Variants in SHB observed in about 807,000 individuals in gnomAD.
SHB encodes SH2 domain containing adaptor protein B.
Under a neutral mutation model 52.3 loss-of-function variants are expected in SHB, and 20 were observed. That is an observed-to-expected ratio of 0.38 (90% CI 0.27 to 0.56). The LOEUF (loss-of-function observed/expected upper bound fraction) is 0.56. Among genes scored for constraint, SHB ranks in the 20% least tolerant of loss-of-function variants. SHB has a pLI of 0.71. For synonymous variants in SHB, 397 were observed against 316.5 expected (o/e 1.25, Z -2.70); for missense variants, 825 against 723.3 (o/e 1.14, Z -1.61).
In SHB at chr9:38,068,309, C is replaced by A; in HGVS notation, c.337G>T (p.Asp113Tyr). Residue 113 changes from aspartate to tyrosine, a missense_variant, in exon 1 of 6, where the codon GAC (aspartate) becomes TAC (tyrosine). Transcript: ENST00000377707. ...LRKLRAMCRLDYCGGSGEPGG... is the reference protein window; with the variant it reads ...LRKLRAMCRLYYCGGSGEPGG... ...GGCTCCCCGCTGCCGCCGCAGTAGT[C>A]CAGGCGGCACATGGCGCGCAGTTTG... 5 of 1,516,804 alleles carry A rather than the reference C, an allele frequency of 3.3e-6. No homozygotes were observed. In the South Asian group the frequency reaches 6.2e-5, roughly 19 times the overall value. 94.0% of individuals were successfully genotyped at this position (1,516,804 alleles called of 1,614,324 possible).
chr9:37,948,202 T>C (rs1469420285), intron 5 of SHB, among the ~76,000 whole-genome samples: 2 of 152,124 alleles, frequency 1.3e-5, no homozygotes, highest in Non-Finnish European at 2.9e-5. Flanking sequence ...CATGGGCTGG[T>C]CACAAGTCCT....
In SHB at chr9:37,961,390, G is replaced by A. The variant is rs114345589; in HGVS notation, c.1055-5336C>T. Among the ~76,000 whole-genome samples the A allele has an allele frequency of 2.0e-3, 298 of 152,310 alleles. 1 individual carries two copies. Among genetic ancestry groups the A allele is most frequent in the African/African-American group, 6.9e-3 (286 of 41,556 alleles). On this transcript the variant is annotated intron_variant, in intron 3 of 5. Coordinates refer to ENST00000377707, the MANE Select transcript of SHB (RefSeq NM_003028.3). ...TCCACTGTCCTGTCCACTGTTCAGAGCTGGCCAGAGAGTAAACTCCAAAAA... is the reference window on the plus strand; with the variant it reads ...TCCACTGTCCTGTCCACTGTTCAGAACTGGCCAGAGAGTAAACTCCAAAAA...
intron 5 of SHB, among the ~76,000 whole-genome samples, chr9:37,929,031 C>A (rs1442808994): frequency 6.6e-6 from 1 of 152,220 alleles, no homozygotes; most frequent in South Asian, 2.1e-4. Context: ...TTGACCCAGG[C>A]AGGGCTGGAG....
At chr9:38,043,232 C>T (rs1209730947) in intron 1 of SHB, among the ~76,000 whole-genome samples, 1 of 152,222 alleles carries the variant, frequency 6.6e-6, no homozygotes, top group East Asian at 1.9e-4. Flanking sequence ...GCTCTGCCCC[C>T]AGCTTCTCTC....
At position 38,068,577 on chromosome 9, in the gene SHB, C is replaced by T. The variant is rs1210870974; in HGVS notation, c.69G>A (p.Pro23=). 5 of 1,489,442 alleles carry T rather than the reference C, an allele frequency of 3.4e-6. No individual in the cohort carries two copies. The African/African-American group carries it at 4.4e-5, about 13-fold the overall frequency. The allele number at this position is 1,489,442 out of a possible 1,614,324, so 92.3% of individuals were successfully genotyped here. A position where few individuals can be genotyped will look rare whatever the true frequency, so the allele number is the denominator to read the frequency against. The part of the protein sequence containing the change: ...NSKTKSPPQP[P]RPDYREQRRR... ...GCCGCTGCTCGCGGTAGTCTGGCCGCGGCGGCTGCGGGGGGCTCTTGGTCT... is the reference window on the plus strand; with the variant it reads ...GCCGCTGCTCGCGGTAGTCTGGCCGTGGCGGCTGCGGGGGGCTCTTGGTCT... The change falls in exon 1 of 6, where the codon CCG becomes CCA. Residue 23 remains proline, a synonymous_variant. Coordinates refer to ENST00000377707, the MANE Select transcript of SHB (RefSeq NM_003028.3).
At chr9:38,039,155 G>A (rs1031347403) in intron 1 of SHB, among the ~76,000 whole-genome samples, 1 of 152,186 alleles carries the variant, frequency 6.6e-6, no homozygotes, top group Admixed American at 6.5e-5. Context: ...ATGGTGAAAA[G>A]CATCCTTAAG....
At chr9:38,029,933 G>A (rs1213813722) in intron 1 of SHB, among the ~76,000 whole-genome samples, 2 of 152,218 alleles carry the variant, frequency 1.3e-5, no homozygotes, top group Non-Finnish European at 2.9e-5. Context: ...ACACGTGCAT[G>A]CGTGTACACA....
At chr9:38,066,058 C>T (rs192759032) in intron 1 of SHB, among the ~76,000 whole-genome samples, 210 of 152,342 alleles carry the variant, frequency 1.4e-3, no homozygotes, top group Middle Eastern at 3.4e-3. Context: ...TCTGTCATAG[C>T]ATTCGCTGCA....
At chr9:38,049,043 CAG>C (rs1283698117) in intron 1 of SHB, among the ~76,000 whole-genome samples, 2 of 152,190 alleles carry the variant, frequency 1.3e-5, no homozygotes, top group Non-Finnish European at 2.9e-5. Context: ...ATTTTTGAGA[CAG>C]AGTCTCGCTC....
intron 3 of SHB, among the ~76,000 whole-genome samples, chr9:37,964,335 G>C (rs1278270103): frequency 1.3e-5 from 2 of 152,222 alleles, no homozygotes; most frequent in Admixed American, 1.3e-4. Flanking sequence ...GTACACACAT[G>C]TCCAAACCTG....
intron 2 of SHB, among the ~76,000 whole-genome samples, chr9:38,009,374 C>G (rs112278516): frequency 1.3e-5 from 2 of 152,238 alleles, no homozygotes; most frequent in Non-Finnish European, 2.9e-5. Context: ...CCAGTGTGAC[C>G]GCAGAGGCGG....
At chr9:38,015,083 C>T (rs1045575744) in intron 2 of SHB, among the ~76,000 whole-genome samples, 1 of 152,212 alleles carries the variant, frequency 6.6e-6, no homozygotes, top group Admixed American at 6.5e-5. Flanking sequence ...CCCAGGCAGC[C>T]CCAAACTTGC....
chr9:37,930,051 G>A (rs1480529358), intron 5 of SHB, among the ~76,000 whole-genome samples: 5 of 152,172 alleles, frequency 3.3e-5, no homozygotes, highest in African/African-American at 1.2e-4. Context: ...GTAGTGAGTT[G>A]TGTTCACACC....
chr9:38,049,859 G>T (rs1475318916), intron 1 of SHB, among the ~76,000 whole-genome samples: 1 of 151,098 alleles, frequency 6.6e-6, no homozygotes, highest in Non-Finnish European at 1.5e-5. Flanking sequence ...GAGTGCAGTG[G>T]TGCAATCTTG....
chr9:38,034,828 C>G (rs1821462409), intron 1 of SHB, among the ~76,000 whole-genome samples: 1 of 152,234 alleles, frequency 6.6e-6, no homozygotes, highest in African/African-American at 2.4e-5. Context: ...TCCAGAGTAG[C>G]TGGGATTACA....
At chr9:38,022,715 T>C (rs1490939991) in intron 1 of SHB, among the ~76,000 whole-genome samples, 1 of 152,146 alleles carries the variant, frequency 6.6e-6, no homozygotes, top group African/African-American at 2.4e-5. Context: ...AAACAGAGAT[T>C]TGGGGGTCTG....
rs530537069 is a variant in SHB, at chr9:38,059,116, C to CTGAA, written c.717+8809_717+8812dup. ...CACAGCAGGCTCTCAACAGTGTCTA[C>CTGAA]TGAATGAATGAATGAATGAATGAGA... On this transcript the variant is annotated intron_variant, in intron 1 of 5. Coordinates refer to ENST00000377707, the MANE Select transcript of SHB (RefSeq NM_003028.3). Among the ~76,000 whole-genome samples, 648 of 152,256 alleles carry CTGAA rather than the reference C, an allele frequency of 4.3e-3. 4 individuals carry two copies. The highest frequency in any genetic ancestry group is 7.4e-3 in the African/African-American group (306 of 41,540).
In SHB at chr9:37,919,622, G is replaced by T; in HGVS notation, c.*199C>A. The T allele has an allele frequency of 4.1e-6, 2 of 486,838 alleles. No homozygotes were observed. The highest frequency in any genetic ancestry group is 7.3e-6 in the Non-Finnish European group (2 of 272,532). 30.2% of individuals were successfully genotyped at this position (486,838 alleles called of 1,614,324 possible). A position where few individuals can be genotyped will look rare whatever the true frequency, so the allele number is the denominator to read the frequency against. ...GGGGTGGGGGCTGGGGTGGTGTGTT[G>T]CCGCCCTTCTGTCTTTATCCAGGCC... is the stretch of plus-strand genomic sequence containing the variant. On this transcript the variant is annotated 3_prime_UTR_variant, in exon 6 of 6. Transcript: ENST00000377707.
rs559615051 is a variant in SHB, at chr9:37,928,884, C to G, written c.1347-8880G>C. ...TGAGCAGCACATGGTGGGAGATGTACCACATCTGAGGAGACTCCAGAGCAG... is the reference window on the plus strand; with the variant it reads ...TGAGCAGCACATGGTGGGAGATGTAGCACATCTGAGGAGACTCCAGAGCAG... On this transcript the variant is annotated intron_variant, in intron 5 of 5. Transcript: ENST00000377707. Among the ~76,000 whole-genome samples the G allele has an allele frequency of 2.6e-5, 4 of 152,372 alleles. No individual in the cohort carries two copies. The South Asian group carries it at 8.3e-4, about 32-fold the overall frequency.
Sources: allele counts gnomAD v4.1 joint callset (sites outside exome capture counted in the v4.1 genomes callset), GRCh38; gene constraint gnomAD v4.1.1; transcripts MANE v1.5; gene names NCBI Gene and HGNC (gene_info 2026-07-23, HGNC 2026-07-21).